Variants in FSTL5 observed in about 807,000 individuals in gnomAD.
FSTL5 encodes the protein follistatin-related protein 5.
Under a neutral mutation model 89.1 loss-of-function variants are expected in FSTL5, and 62 were observed. The ratio of observed to expected loss-of-function variants is 0.70; its 90% CI spans 0.57 to 0.86. The LOEUF (loss-of-function observed/expected upper bound fraction) is 0.86, where lower values mean the gene tolerates loss of function less well. Among genes scored for constraint, FSTL5 ranks in the 40% least tolerant of loss-of-function variants. FSTL5 has a pLI of 0.00. For synonymous variants in FSTL5, 383 were observed against 346.2 expected, an observed-to-expected ratio of 1.11 and a Z score of -1.18; for missense variants, 1,057 against 1,001.6, an observed-to-expected ratio of 1.06 and a Z score of -0.75.
chr4:161,574,511 C>T (rs1430042794), intron 8 of FSTL5, among the ~76,000 whole-genome samples: 2 of 152,052 alleles, frequency 1.3e-5, no homozygotes, highest in African/African-American at 4.8e-5. Flanking sequence ...TCTCCCTCTC[C>T]TTGCCCCCAA....
intron 7 of FSTL5, among the ~76,000 whole-genome samples, chr4:161,621,388 G>T (rs1465950854): frequency 1.3e-5 from 2 of 151,546 alleles, no homozygotes; most frequent in African/African-American, 4.9e-5. Context: ...TGAAATATAA[G>T]ATTTCAAAAT....
chr4:161,509,931 G>A (rs960822712), intron 11 of FSTL5, among the ~76,000 whole-genome samples: 1 of 152,088 alleles, frequency 6.6e-6, no homozygotes, highest in South Asian at 2.1e-4. Context: ...TCCTTTTTGA[G>A]ATAAGAAGAT....
chr4:162,060,082 T>A (rs1456488767), intron 2 of FSTL5, among the ~76,000 whole-genome samples: 1 of 152,126 alleles, frequency 6.6e-6, no homozygotes, highest in Non-Finnish European at 1.5e-5. Flanking sequence ...AAATAAGGAA[T>A]CAAAAACACA....
intron 4 of FSTL5, among the ~76,000 whole-genome samples, chr4:161,877,380 T>C (rs1459100809): frequency 6.7e-6 from 1 of 148,354 alleles, no homozygotes; most frequent in Non-Finnish European, 1.5e-5. Context: ...ATATTTATAT[T>C]AAAAATTACT....
intron 15 of FSTL5, among the ~76,000 whole-genome samples, chr4:161,422,298 T>C (rs2126316014): frequency 6.6e-6 from 1 of 152,248 alleles, no homozygotes; most frequent in Admixed American, 6.5e-5. Context: ...GTAGATTGCC[T>C]AGCACAAAAT....
intron 2 of FSTL5, among the ~76,000 whole-genome samples, chr4:162,052,045 CAA>C (rs556582266): frequency 8.7e-4 from 132 of 151,406 alleles, no homozygotes; most frequent in African/African-American, 2.8e-3. Flanking sequence ...AAACCTGTCT[CAA>C]GTCTGAATTA....
intron 13 of FSTL5, among the ~76,000 whole-genome samples, chr4:161,472,587 T>A (rs1396541251): frequency 6.6e-6 from 1 of 152,310 alleles, no homozygotes; most frequent in Non-Finnish European, 1.5e-5. Flanking sequence ...AAGTATTTTC[T>A]AATTTTCCTC....
chr4:161,549,196 G>C (rs1028056304), intron 8 of FSTL5, among the ~76,000 whole-genome samples: 1 of 151,778 alleles, frequency 6.6e-6, no homozygotes, highest in Non-Finnish European at 1.5e-5. Context: ...TCATTTTGCT[G>C]CTTAATAGTG....
intron 7 of FSTL5, among the ~76,000 whole-genome samples, chr4:161,638,072 G>C (rs4441717): frequency 0.19 from 28,605 of 150,834 alleles, 3,313 homozygotes; most frequent in Non-Finnish European, 0.24. Context: ...CCATTTTCAC[G>C]ATATTGATTC....
rs562606571 is a variant in FSTL5, at chr4:161,772,583, C to G, written c.606+3295G>C. ...CAAGCTGAGAATCAAATCAAGAACT[C>G]AATGCCTTTTACAATAGCTGCAAAA... On this transcript the variant is annotated intron_variant, in intron 5 of 15. Coordinates refer to ENST00000306100, the MANE Select transcript of FSTL5 (RefSeq NM_020116.5). Among the ~76,000 whole-genome samples, 3 of 152,210 alleles carry G rather than the reference C, an allele frequency of 2.0e-5. No homozygotes were observed. In the East Asian group the frequency reaches 5.8e-4, roughly 29 times the overall value.
intron 2 of FSTL5, among the ~76,000 whole-genome samples, chr4:162,037,961 A>G (rs1737804064): frequency 6.6e-6 from 1 of 151,966 alleles, no homozygotes; most frequent in African/African-American, 2.4e-5. Context: ...TTTACTTTAA[A>G]TGAGAAAACA....
intron 12 of FSTL5, among the ~76,000 whole-genome samples, chr4:161,494,652 T>C (rs888982815): frequency 3.9e-5 from 6 of 152,144 alleles, no homozygotes; most frequent in African/African-American, 1.4e-4. Flanking sequence ...TAATTTTGGT[T>C]TGTGGAAATG....
At chr4:161,621,875 A>G (rs1735141513) in intron 7 of FSTL5, among the ~76,000 whole-genome samples, 1 of 151,246 alleles carries the variant, frequency 6.6e-6, no homozygotes, top group African/African-American at 2.4e-5. Context: ...GTGCATGTCA[A>G]TATTCCCAGG....
chr4:161,549,032 T>C (rs537051767), intron 8 of FSTL5, among the ~76,000 whole-genome samples: 1 of 151,908 alleles, frequency 6.6e-6, no homozygotes, highest in South Asian at 2.1e-4. Context: ...AGTGGTACCT[T>C]TCCATACTTA....
intron 6 of FSTL5, among the ~76,000 whole-genome samples, chr4:161,667,464 T>C (rs1395349502): frequency 6.6e-6 from 1 of 152,094 alleles, no homozygotes; most frequent in Admixed American, 6.6e-5. Context: ...TTTAACATTC[T>C]AAGTACATTC....
Position 161,671,822 on chromosome 4 carries a change from C to G in FSTL5, c.728-15328G>C, listed in dbSNP as rs141771496. Among the ~76,000 whole-genome samples, 916 of 152,166 alleles carry G rather than the reference C, an allele frequency of 6.0e-3. 9 individuals carry two copies. The highest frequency in any genetic ancestry group is 0.045 in the South Asian group (219 of 4,816). ...TCTTGTCCAAATGGAATTTCTAGTC[C>G]GTGACAGTAGCATCCTACCAGGTCT... On this transcript the variant is annotated intron_variant, in intron 6 of 15. Transcript: ENST00000306100.
chr4:161,746,912 GC>G (rs1216742666), intron 6 of FSTL5, among the ~76,000 whole-genome samples: 4 of 151,994 alleles, frequency 2.6e-5, no homozygotes, highest in East Asian at 3.9e-4. Context: ...TTGCTGATGG[GC>G]CCCCCATAGC....
chr4:162,138,133 A>G (rs1007734529), intron 1 of FSTL5, among the ~76,000 whole-genome samples: 185 of 152,266 alleles, frequency 1.2e-3, no homozygotes, highest in African/African-American at 4.3e-3. Flanking sequence ...TAAAATATAT[A>G]TACATGTAAT....
chr4:161,918,648 T>C (rs1169610358), intron 4 of FSTL5, among the ~76,000 whole-genome samples: 2 of 151,808 alleles, frequency 1.3e-5, no homozygotes, highest in African/African-American at 4.8e-5. Context: ...TTTATATTTA[T>C]TTATTTATTT....
Sources: gnomAD v4.1 joint callset for allele counts (sites outside exome capture counted in the v4.1 genomes callset) on GRCh38, gnomAD v4.1.1 for gene constraint, MANE v1.5 for transcripts, NCBI Gene and HGNC (gene_info 2026-07-23, HGNC 2026-07-21) for gene names.